Variants in RGMA observed in about 807,000 individuals in gnomAD.
The protein encoded by RGMA is repulsive guidance molecule A.
In RGMA, 10 loss-of-function variants were observed where a neutral mutation model predicts 23.2. The ratio of observed to expected loss-of-function variants is 0.43; its 90% CI spans 0.27 to 0.73. RGMA has a LOEUF of 0.73. Among genes scored for constraint, RGMA ranks in the 30% least tolerant of loss-of-function variants. The pLI, the probability that RGMA is intolerant of heterozygous loss-of-function variation, is 0.20. For missense variants in RGMA, 547 were observed against 630.5 expected (o/e 0.87, Z 1.42); for synonymous variants, 308 against 279.3 (o/e 1.10, Z -1.03).
At chr15:93,068,917 C>G (rs1473015629) in intron 2 of RGMA, among the ~76,000 whole-genome samples, 2 of 152,200 alleles carry the variant, frequency 1.3e-5, no homozygotes, top group African/African-American at 2.4e-5. Flanking sequence ...GACATCAAAT[C>G]TGCCAGCACC....
intron 1 of RGMA, among the ~76,000 whole-genome samples, chr15:93,077,628 A>G (rs1471298670): frequency 2.0e-5 from 3 of 152,216 alleles, no homozygotes; most frequent in Admixed American, 6.5e-5. Context: ...TCCGACTCCA[A>G]CATAGGATCG....
intron 2 of RGMA, among the ~76,000 whole-genome samples, chr15:93,053,913 T>G (rs1054959569): frequency 6.6e-5 from 10 of 152,202 alleles, no homozygotes; most frequent in African/African-American, 2.4e-4. Context: ...AGAAGTCATA[T>G]CTTTATTTAA....
intron 3 of RGMA, among the ~76,000 whole-genome samples, chr15:93,048,331 G>A (rs2054861044): frequency 6.6e-6 from 1 of 152,156 alleles, no homozygotes. Context: ...GGCAAGGCTG[G>A]GAGGAGCTGA....
chr15:93,078,813 A>G (rs929880944), intron 1 of RGMA, among the ~76,000 whole-genome samples: 5 of 152,210 alleles, frequency 3.3e-5, no homozygotes, highest in Non-Finnish European at 7.3e-5. Context: ...TTCTGACAGT[A>G]TTTTAGCATT....
intron 2 of RGMA, among the ~76,000 whole-genome samples, chr15:93,052,974 G>A (rs2054953228): frequency 6.6e-6 from 1 of 152,192 alleles, no homozygotes; most frequent in Non-Finnish European, 1.5e-5. Flanking sequence ...CCGTCTCTGT[G>A]CCTTGTTATA....
rs372713521 is a variant in RGMA at position 93,088,921 on chromosome 15, T to C, written c.12A>G (p.Pro4=). The C allele has an allele frequency of 1.3e-5, 19 of 1,460,330 alleles. No individual in the cohort carries two copies. In the South Asian group the frequency reaches 2.2e-4, roughly 17 times the overall value. 90.5% of individuals were successfully genotyped at this position (1,460,330 alleles called of 1,614,324 possible). MQP[P]RERLVVTGRA... ...CCCGGCTCCCGACCCGCGCTTACCT[T>C]GGCGGCTGCATGAGCCCCTGCGGCC... The change falls in exon 1 of 4, where the codon CCA becomes CCG. Residue 4 remains proline, a splice_region_variant and synonymous_variant. Coordinates refer to ENST00000329082, the MANE Select transcript of RGMA (RefSeq NM_020211.3).
chr15:93,061,223 T>G (rs1237120916), intron 2 of RGMA, among the ~76,000 whole-genome samples: 1 of 152,240 alleles, frequency 6.6e-6, no homozygotes, highest in African/African-American at 2.4e-5. Flanking sequence ...GGCGCGACCT[T>G]GGCTCACACA....
chr15:93,073,264 C>T (rs1378609009), intron 1 of RGMA: 1 of 972,890 alleles, frequency 1.0e-6, no homozygotes, highest in Admixed American at 4.9e-5. Flanking sequence ...CGCACCGCCC[C>T]CTCGCGCTCG....
At chr15:93,058,766 C>T (rs912189729) in intron 2 of RGMA, among the ~76,000 whole-genome samples, 1 of 151,702 alleles carries the variant, frequency 6.6e-6, no homozygotes, top group African/African-American at 2.4e-5. Context: ...TCACACCTCT[C>T]GGATTTCCAC....
chr15:93,071,450 A>G (rs1014755970), intron 2 of RGMA, among the ~76,000 whole-genome samples: 11 of 152,272 alleles, frequency 7.2e-5, no homozygotes, highest in African/African-American at 2.4e-4. Flanking sequence ...GGGGATACCA[A>G]GATCCCTCAC....
rs538681847 is a variant in RGMA, at chr15:93,068,601, G to A, written c.130+4315C>T. Among the ~76,000 whole-genome samples the A allele has an allele frequency of 3.9e-5, 6 of 152,324 alleles. No homozygotes were observed. In the South Asian group the frequency reaches 6.2e-4, roughly 16 times the overall value. On this transcript the variant is annotated intron_variant, in intron 2 of 3. Transcript: ENST00000329082. The stretch of plus-strand genomic sequence containing the variant: ...CTCCTCAATACACCCTCAGGGCCTA[G>A]TGGCTGGCCATCTGTAGAGTTTTAT...
chr15:93,072,859 A>G, intron 2 of RGMA, 57 bp downstream of exon 2: 1 of 1,552,732 alleles, frequency 6.4e-7, no homozygotes, highest in Non-Finnish European at 8.7e-7. Flanking sequence ...CATCTGGCCC[A>G]GCATTGAGGG....
At chr15:93,073,895 A>C (rs1401789445) in intron 1 of RGMA, 1 of 1,456,294 alleles carries the variant, frequency 6.9e-7, no homozygotes, top group Non-Finnish European at 9.0e-7. Flanking sequence ...CTCCAGAGAG[A>C]TGGCTATGCC....
chr15:93,053,009 G>A (rs1596085015), intron 2 of RGMA, among the ~76,000 whole-genome samples: 2 of 152,322 alleles, frequency 1.3e-5, no homozygotes, highest in Admixed American at 6.5e-5. Flanking sequence ...GGGATGATGA[G>A]TGTGAAGTGA....
At chr15:93,055,777 C>A (rs779206934) in intron 2 of RGMA, among the ~76,000 whole-genome samples, 4 of 152,210 alleles carry the variant, frequency 2.6e-5, no homozygotes, top group African/African-American at 7.2e-5. Flanking sequence ...AGGGGCTCGA[C>A]GGCAGGGTCA....
intron 2 of RGMA, 66 bp downstream of exon 2, chr15:93,072,850 A>T: frequency 6.5e-7 from 1 of 1,540,430 alleles, no homozygotes; most frequent in South Asian, 1.2e-5. Flanking sequence ...ACTCGCGCAC[A>T]TCTGGCCCAG....
intron 1 of RGMA, among the ~76,000 whole-genome samples, chr15:93,082,280 C>T (rs35687038): frequency 0.082 from 12,544 of 152,310 alleles, 721 homozygotes; most frequent in Non-Finnish European, 0.13. Flanking sequence ...TGCAAGGACT[C>T]ACGGATAACC....
chr15:93,045,786 G>T lies in RGMA; in HGVS notation c.646-81C>A. ...CCCCACACTTAAGATGCTCTAGACT[G>T]AGAGGAGGGCAGGAAGGATCCCCAG... On this transcript the variant is annotated intron_variant, in intron 3 of 3. Coordinates refer to ENST00000329082, the MANE Select transcript of RGMA (RefSeq NM_020211.3). The surrounding 1 kb of genome is among the most constrained non-coding windows in gnomAD (Gnocchi z 6.9). 1 of 1,058,472 alleles carries T rather than the reference G, an allele frequency of 9.4e-7. No individual in the cohort carries two copies. The highest frequency in any genetic ancestry group is 1.4e-6 in the Non-Finnish European group (1 of 708,914). The allele number at this position is 1,058,472 out of a possible 1,614,324, so 65.6% of individuals were successfully genotyped here. A position where few individuals can be genotyped will look rare whatever the true frequency, so the allele number is the denominator to read the frequency against.
chr15:93,052,506 G>A lies in RGMA; in HGVS notation c.132C>T (p.Ala44=), dbSNP rs79091861. 1,293 of 1,566,274 alleles carry A rather than the reference G, an allele frequency of 8.3e-4. 28 individuals are homozygous for A. The East Asian group carries it at 0.024, about 29-fold the overall frequency. The stretch of plus-strand genomic sequence containing the variant: ...ACTTGAGGATCTTGCACGGGGAGGT[G>A]GCTGAGGAGAAAGGAACGAACACAC... ...LAFLLCSFPA[A]TSPCKILKCN... is the part of the protein sequence containing the mutation. The change falls in exon 3 of 4, where the codon GCC becomes GCT. Residue 44 remains alanine (A), a splice_region_variant and synonymous_variant. Coordinates refer to ENST00000329082, the MANE Select transcript of RGMA (RefSeq NM_020211.3).
Sources: gnomAD v4.1 joint callset for allele counts (sites outside exome capture counted in the v4.1 genomes callset) on GRCh38, gnomAD v4.1.1 for gene constraint, Gnocchi (gnomAD v3.1) non-coding constraint, MANE v1.5 for transcripts, NCBI Gene and HGNC (gene_info 2026-07-23, HGNC 2026-07-21) for gene names.